GRID2: variants seen among roughly 807,000 people sequenced by gnomAD.
GRID2 encodes the protein glutamate receptor ionotropic, delta-2.
A neutral mutation model predicts 114.8 loss-of-function variants in GRID2; 33 were observed. The observed-to-expected ratio is 0.29, with a 90% CI of 0.22 to 0.38. The LOEUF (loss-of-function observed/expected upper bound fraction) is 0.38. GRID2 is among the 10% of genes least tolerant of loss of function. The pLI, the probability that GRID2 is intolerant of heterozygous loss-of-function variation, is 1.00. For missense variants in GRID2, 1,184 were observed against 1,257.7 expected, an observed-to-expected ratio of 0.94 and a Z score of 0.89; for synonymous variants, 505 against 449.9, an observed-to-expected ratio of 1.12 and a Z score of -1.55.
chr4:92,510,011 C>T (rs555620392), intron 1 of GRID2, among the ~76,000 whole-genome samples: 1 of 151,994 alleles, frequency 6.6e-6, no homozygotes, highest in Admixed American at 6.6e-5. Context: ...CTGACATATA[C>T]TTTCACAGAA....
At chr4:93,136,026 T>A (rs544643336) in intron 4 of GRID2, among the ~76,000 whole-genome samples, 1 of 152,206 alleles carries the variant, frequency 6.6e-6, no homozygotes, top group Admixed American at 6.5e-5. Context: ...TTCAAATTAA[T>A]TACAGGTTCA....
chr4:92,414,186 G>A (rs986508887), intron 1 of GRID2, among the ~76,000 whole-genome samples: 2 of 152,086 alleles, frequency 1.3e-5, no homozygotes, highest in African/African-American at 4.8e-5. Context: ...AATAGCTAGT[G>A]GGAAGCTAAC....
At chr4:93,708,594 T>A (rs1184347738) in intron 14 of GRID2, among the ~76,000 whole-genome samples, 1 of 152,002 alleles carries the variant, frequency 6.6e-6, no homozygotes, top group Non-Finnish European at 1.5e-5. Context: ...TGAGAGATTG[T>A]TGAATGTTGT....
chr4:92,669,012 C>T (rs1732921682), intron 2 of GRID2, among the ~76,000 whole-genome samples: 1 of 151,750 alleles, frequency 6.6e-6, no homozygotes, highest in African/African-American at 2.4e-5. Flanking sequence ...TCTTTCATGA[C>T]TTTGTTTCTT....
chr4:93,797,922 C>T (rs2110364033), intron 1 of GRID2, among the ~76,000 whole-genome samples: 1 of 150,736 alleles, frequency 6.6e-6, no homozygotes, highest in Non-Finnish European at 1.5e-5. Flanking sequence ...GGAGGCCGAG[C>T]CAGGTGGATC....
intron 2 of GRID2, among the ~76,000 whole-genome samples, chr4:92,934,654 T>C (rs7676762): frequency 0.01 from 1,533 of 146,576 alleles, 53 homozygotes; most frequent in African/African-American, 0.035. Flanking sequence ...AAGGCTACAG[T>C]AACCAAAACA....
chr4:92,607,075 G>A (rs1312614993), intron 2 of GRID2, among the ~76,000 whole-genome samples: 1 of 151,974 alleles, frequency 6.6e-6, no homozygotes, highest in Non-Finnish European at 1.5e-5. Flanking sequence ...CAGCATAGTT[G>A]AGTGTCTGAA....
intron 2 of GRID2, among the ~76,000 whole-genome samples, chr4:92,894,647 G>A (rs927215040): frequency 6.6e-6 from 1 of 152,054 alleles, no homozygotes; most frequent in Non-Finnish European, 1.5e-5. Context: ...TTCATGATGA[G>A]TACTTAATTA....
At chr4:93,545,453 GC>G (rs2149533670) in intron 13 of GRID2, among the ~76,000 whole-genome samples, 1 of 152,286 alleles carries the variant, frequency 6.6e-6, no homozygotes, top group East Asian at 1.9e-4. Flanking sequence ...GCAGGAAGAG[GC>G]CAGTGTTGCT....
intron 11 of GRID2, among the ~76,000 whole-genome samples, chr4:93,473,516 GA>G (rs1253942349): frequency 6.6e-6 from 1 of 152,008 alleles, no homozygotes; most frequent in Non-Finnish European, 1.5e-5. Flanking sequence ...TCAAACAGTT[GA>G]AACTACTTGG....
intron 2 of GRID2, among the ~76,000 whole-genome samples, chr4:92,772,419 C>T (rs1012974813): frequency 1.1e-4 from 16 of 151,972 alleles, no homozygotes; most frequent in African/African-American, 2.4e-4. Context: ...CAGTTTATGG[C>T]GTTTGAGTCA....
intron 13 of GRID2, among the ~76,000 whole-genome samples, chr4:93,557,747 A>G (rs1365255951): frequency 2.6e-5 from 4 of 152,232 alleles, no homozygotes; most frequent in Admixed American, 6.5e-5. Context: ...CCTAATAGTC[A>G]TCTACAGAAC....
At chr4:92,468,587 C>G (rs1173239485) in intron 1 of GRID2, among the ~76,000 whole-genome samples, 1 of 151,996 alleles carries the variant, frequency 6.6e-6, no homozygotes, top group Non-Finnish European at 1.5e-5. Flanking sequence ...TCTTGAGGAA[C>G]TTACAGTATA....
At chr4:92,862,671 T>C (rs779439954) in intron 2 of GRID2, among the ~76,000 whole-genome samples, 7 of 152,120 alleles carry the variant, frequency 4.6e-5, no homozygotes, top group Non-Finnish European at 5.9e-5. Context: ...AGTTTTCTGG[T>C]ACTTTGCAGC....
intron 2 of GRID2, among the ~76,000 whole-genome samples, chr4:92,606,641 T>A (rs886446211): frequency 1.3e-5 from 2 of 151,972 alleles, no homozygotes; most frequent in Non-Finnish European, 2.9e-5. Context: ...ACCACCTCAC[T>A]GCTACTAGCT....
chr4:93,332,295 T>TGAGAGAGAGAGA lies in GRID2; in HGVS notation c.1246-63311_1246-63310insAGAGAGAGAGAG, dbSNP rs1353456848. Among the ~76,000 whole-genome samples the TGAGAGAGAGAGA allele has an allele frequency of 2.6e-3, 332 of 128,922 alleles. 1 individual carries two copies. Among genetic ancestry groups the TGAGAGAGAGAGA allele is most frequent in the African/African-American group, 5.7e-3 (167 of 29,522 alleles). 84.6% of individuals were successfully genotyped at this position (128,922 alleles called of 152,430 possible). Reference sequence around the variant, plus strand: ...GTGTGTGTGTGTGTGTGTGTGTGTGTGTGTGAGAGAGAGAGAGAGAGAGAG... The same window carrying TGAGAGAGAGAGA: ...GTGTGTGTGTGTGTGTGTGTGTGTGTGAGAGAGAGAGAGTGTGAGAGAGAGAGAGAGAGAGAG... On this transcript the variant is annotated intron_variant, in intron 8 of 15. Coordinates refer to ENST00000282020, the MANE Select transcript of GRID2 (RefSeq NM_001510.4).
chr4:92,342,003 A>G (rs935828555), intron 1 of GRID2, among the ~76,000 whole-genome samples: 1 of 152,110 alleles, frequency 6.6e-6, no homozygotes, highest in African/African-American at 2.4e-5. Context: ...AAATTGAGGA[A>G]TAACAAACTT....
At chr4:92,561,823 A>G (rs539602752) in intron 1 of GRID2, among the ~76,000 whole-genome samples, 1 of 152,290 alleles carries the variant, frequency 6.6e-6, no homozygotes, top group Non-Finnish European at 1.5e-5. Context: ...TTTCATGAGT[A>G]TATTCAATCT....
At chr4:93,730,946 C>T (rs535460063) in intron 14 of GRID2, among the ~76,000 whole-genome samples, 1 of 152,154 alleles carries the variant, frequency 6.6e-6, no homozygotes, top group African/African-American at 2.4e-5. Context: ...GAAACTGTGC[C>T]GCGCTGGCTG....
Sources: allele counts gnomAD v4.1 joint callset (sites outside exome capture counted in the v4.1 genomes callset), GRCh38; gene constraint gnomAD v4.1.1; transcripts MANE v1.5; gene names NCBI Gene and HGNC (gene_info 2026-07-23, HGNC 2026-07-21).